ST8SIA6: variants seen among roughly 807,000 people sequenced by gnomAD.
ST8SIA6 encodes the protein alpha-2,8-sialyltransferase 8F.
ST8SIA6 carries 39 observed loss-of-function variants against 33.6 expected under a neutral mutation model. The ratio of observed to expected loss-of-function variants is 1.16; its 90% confidence interval spans 0.90 to 1.52. The LOEUF (loss-of-function observed/expected upper bound fraction) is 1.52. Ranked by LOEUF, ST8SIA6 falls within the 40% of genes most tolerant of loss-of-function variation. ST8SIA6 has a pLI of 0.00. For missense variants in ST8SIA6, 441 were observed against 443.8 expected (o/e 0.99, Z 0.06); for synonymous variants, 172 against 167.2 (o/e 1.03, Z -0.22).
Position 17,331,569 on chromosome 10 carries a change from T to C in ST8SIA6, c.378-17A>G, listed in dbSNP as rs774109225. On this transcript the variant is annotated splice_polypyrimidine_tract_variant and intron_variant, in intron 4 of 7. Transcript: ENST00000377602. The stretch of plus-strand genomic sequence containing the variant: ...AGTTTGGCTCTGCAAAGGAAAAGGA[T>C]GAAAAGGAAGCCAAAGTATAAGATT... The C allele has an allele frequency of 1.3e-6, 2 of 1,591,822 alleles. No homozygotes were observed. The highest frequency in any genetic ancestry group is 1.2e-5 in the South Asian group (1 of 86,034).
At chr10:17,358,465 T>G (rs1019760866) in intron 4 of ST8SIA6, among the ~76,000 whole-genome samples, 10 of 152,116 alleles carry the variant, frequency 6.6e-5, no homozygotes, top group Admixed American at 6.5e-4. Context: ...AAGTAAACTT[T>G]GAAAATAATG....
intron 2 of ST8SIA6, chr10:17,409,825 A>C (rs1425557618): frequency 6.5e-6 from 1 of 152,834 alleles, no homozygotes; most frequent in Non-Finnish European, 1.5e-5. Flanking sequence ...TGGTGAGCCA[A>C]GATCGCGCCA....
chr10:17,445,338 C>T (rs1852667429), intron 2 of ST8SIA6, among the ~76,000 whole-genome samples: 1 of 152,136 alleles, frequency 6.6e-6, no homozygotes, highest in Non-Finnish European at 1.5e-5. Flanking sequence ...AAATGACAAG[C>T]GCACATTTCG....
chr10:17,391,093 G>A (rs1564440225), intron 2 of ST8SIA6, among the ~76,000 whole-genome samples: 1 of 152,006 alleles, frequency 6.6e-6, no homozygotes, highest in Non-Finnish European at 1.5e-5. Context: ...CTCGACCTTA[G>A]ATGATCCATC....
chr10:17,408,927 ATT>A (rs1472963937), intron 2 of ST8SIA6, among the ~76,000 whole-genome samples: 2 of 138,350 alleles, frequency 1.4e-5, no homozygotes, highest in East Asian at 4.3e-4. Context: ...GGCTAATTTT[ATT>A]TTCTTTCTTT....
chr10:17,395,674 A>G (rs4748371), intron 2 of ST8SIA6, among the ~76,000 whole-genome samples: 84,851 of 152,004 alleles, frequency 0.56, 24,739 homozygotes, highest in African/African-American at 0.71. Flanking sequence ...CCTGTGGTCG[A>G]GAGTTCAAGA....
chr10:17,353,857 T>A (rs1329768298), intron 4 of ST8SIA6, among the ~76,000 whole-genome samples: 1 of 152,128 alleles, frequency 6.6e-6, no homozygotes, highest in East Asian at 1.9e-4. Flanking sequence ...AACCTGACGA[T>A]GTCTATAAAA....
intron 3 of ST8SIA6, among the ~76,000 whole-genome samples, chr10:17,370,633 A>G (rs1348742892): frequency 1.3e-5 from 2 of 152,120 alleles, no homozygotes; most frequent in Admixed American, 6.5e-5. Context: ...TTATGATATT[A>G]TTATTATAGG....
At chr10:17,407,744 G>T (rs761214664) in intron 2 of ST8SIA6, among the ~76,000 whole-genome samples, 7 of 152,158 alleles carry the variant, frequency 4.6e-5, no homozygotes, top group Admixed American at 2.0e-4. Flanking sequence ...TGGACTAAGG[G>T]TCTCACTTTG....
chr10:17,357,671 G>C (rs1051068737), intron 4 of ST8SIA6, among the ~76,000 whole-genome samples: 2 of 152,100 alleles, frequency 1.3e-5, no homozygotes, highest in African/African-American at 4.8e-5. Flanking sequence ...TGGCAGGGAG[G>C]ACCTGCTCCA....
At chr10:17,355,960 C>T (rs1028943441) in intron 4 of ST8SIA6, among the ~76,000 whole-genome samples, 5 of 152,184 alleles carry the variant, frequency 3.3e-5, no homozygotes, top group Non-Finnish European at 5.9e-5. Flanking sequence ...AGAGTTATAG[C>T]TCAAGTTCTG....
At chr10:17,375,005 T>G (rs1849863545) in intron 3 of ST8SIA6, among the ~76,000 whole-genome samples, 2 of 151,778 alleles carry the variant, frequency 1.3e-5, no homozygotes, top group South Asian at 4.2e-4. Context: ...GTTGTGATCA[T>G]AGCTCACTGC....
chr10:17,320,998 A>C lies in ST8SIA6; in HGVS notation c.1077T>G (p.Tyr359Ter). Residue 359 changes from tyrosine (Y) to a stop codon, truncating the protein, a stop_gained, in exon 8 of 8, where the codon TAT (tyrosine) becomes TAG (stop). Coordinates refer to ENST00000377602, the MANE Select transcript of ST8SIA6 (RefSeq NM_001004470.3). LOFTEE classifies it high-confidence loss of function. ...TVEDIPVSHH[Y>*]YDNKLPKHGF... Reference sequence around the variant, plus strand: ...CATGTTTAGGTAGCTTGTTGTCATAATAGTGATGGCTGACAGGTATGTCTT... The same window carrying C: ...CATGTTTAGGTAGCTTGTTGTCATACTAGTGATGGCTGACAGGTATGTCTT... 6.2e-7 allele frequency: 1 copy of C among 1,614,088 alleles called. No homozygotes were observed. The highest frequency in any genetic ancestry group is 8.5e-7 in the Non-Finnish European group (1 of 1,179,982).
At chr10:17,430,349 C>G (rs560769567) in intron 2 of ST8SIA6, among the ~76,000 whole-genome samples, 34 of 152,132 alleles carry the variant, frequency 2.2e-4, no homozygotes, top group Non-Finnish European at 4.3e-4. Flanking sequence ...AATTGTGCTA[C>G]TATAAACGTG....
At chr10:17,440,700 T>G (rs1852452462) in intron 2 of ST8SIA6, among the ~76,000 whole-genome samples, 1 of 152,080 alleles carries the variant, frequency 6.6e-6, no homozygotes, top group South Asian at 2.1e-4. Context: ...AACCTTTCTG[T>G]GATCCCGCTA....
intron 6 of ST8SIA6, among the ~76,000 whole-genome samples, chr10:17,323,780 G>A (rs547420170): frequency 1.3e-5 from 2 of 152,110 alleles, no homozygotes; most frequent in Non-Finnish European, 2.9e-5. Flanking sequence ...AAGTTTAGAA[G>A]AGTTCCCAAT....
chr10:17,422,968 G>A (rs1356150885), intron 2 of ST8SIA6, among the ~76,000 whole-genome samples: 1 of 152,162 alleles, frequency 6.6e-6, no homozygotes, highest in Non-Finnish European at 1.5e-5. Flanking sequence ...TTTGAATACA[G>A]CCAAGTGGAA....
At chr10:17,391,114 T>TC (rs1850588280) in intron 2 of ST8SIA6, among the ~76,000 whole-genome samples, 1 of 152,142 alleles carries the variant, frequency 6.6e-6, no homozygotes, top group Non-Finnish European at 1.5e-5. Context: ...CGCATCAGCC[T>TC]CCCAAAGTGC....
Position 17,323,118 on chromosome 10 carries a change from A to G in ST8SIA6, c.675T>C (p.Asp225=), listed in dbSNP as rs1848009832. Residue 225 remains aspartate, a synonymous_variant, in exon 7 of 8, where the codon GAT becomes GAC. Coordinates refer to ENST00000377602, the MANE Select transcript of ST8SIA6 (RefSeq NM_001004470.3). ...LPPTTGDVSK[D]VGSKTNLVTI... is the part of the protein sequence containing the mutation. ...TCACAAGATTTGTTTTACTGCCAAC[A>G]TCTTTACTAACATCTCCTGTGGTTG... 6.2e-7 allele frequency: 1 copy of G among 1,613,814 alleles called. No homozygotes were observed.
Sources: gnomAD v4.1 joint callset for allele counts (sites outside exome capture counted in the v4.1 genomes callset) on GRCh38, gnomAD v4.1.1 for gene constraint, MANE v1.5 for transcripts, NCBI Gene and HGNC (gene_info 2026-07-23, HGNC 2026-07-21) for gene names.